Variants in PSMD12 observed in about 807,000 individuals in gnomAD.
PSMD12 encodes the protein proteasome 26S subunit, non-ATPase 12.
Under a neutral mutation model 62.9 loss-of-function variants are expected in PSMD12, and 8 were observed. The ratio of observed to expected loss-of-function variants is 0.13; its 90% CI spans 0.07 to 0.23. The LOEUF (loss-of-function observed/expected upper bound fraction) is 0.23. Ranked by LOEUF, PSMD12 falls within the 10% of genes least tolerant of loss-of-function variation. The pLI is 1.00. For missense variants in PSMD12, 424 were observed against 550.2 expected (o/e 0.77, Z 2.29); for synonymous variants, 173 against 187.4 (o/e 0.92, Z 0.63).
intron 4 of PSMD12, among the ~76,000 whole-genome samples, 171 bp from the exon 5 acceptor site, chr17:67,348,825 G>A (rs553779286): frequency 5.9e-5 from 9 of 151,976 alleles, no homozygotes; most frequent in South Asian, 4.1e-4. Flanking sequence ...TGTTGAGCCC[G>A]TCTCTACTAA....
chr17:67,340,739 T>G lies in PSMD12; in HGVS notation c.*104A>C. The G allele has an allele frequency of 1.1e-6, 1 of 872,510 alleles. No homozygotes were observed. Among genetic ancestry groups the G allele is most frequent in the Middle Eastern group, 2.3e-4 (1 of 4,360 alleles). The allele number at this position is 872,510 out of a possible 1,614,324, so 54.0% of individuals were successfully genotyped here. A position where few individuals can be genotyped will look rare whatever the true frequency, so the allele number is the denominator to read the frequency against. ...TCAAACATATTCACTATTTTAAAAT[T>G]TAAGACAAAGAAGCTTAGAAAAAAA... On this transcript the variant is annotated 3_prime_UTR_variant, in exon 11 of 11. Transcript: ENST00000356126.
chr17:67,348,752 T>C, intron 4 of PSMD12, 98 bp from the exon 5 acceptor site: 2 of 1,010,572 alleles, frequency 2.0e-6, no homozygotes, highest in Non-Finnish European at 1.5e-6. Flanking sequence ...AATCCTGACA[T>C]TTTGGAAGGC....
chr17:67,345,306 T>C (rs1041957186), intron 8 of PSMD12, among the ~76,000 whole-genome samples: 1 of 152,194 alleles, frequency 6.6e-6, no homozygotes, highest in Non-Finnish European at 1.5e-5. Flanking sequence ...TTATCCTCTC[T>C]AGTTTTATTC....
chr17:67,363,418 C>T (rs1466338570), intron 1 of PSMD12, among the ~76,000 whole-genome samples: 3 of 152,100 alleles, frequency 2.0e-5, no homozygotes, highest in Admixed American at 6.6e-5. Context: ...GTGCTATATA[C>T]ACAATTTTCA....
chr17:67,356,660 T>C (rs962821737), intron 3 of PSMD12, among the ~76,000 whole-genome samples: 20 of 138,112 alleles, frequency 1.4e-4, no homozygotes, highest in African/African-American at 5.1e-4. Flanking sequence ...ATAAAAGGGA[T>C]ATGACTAAAT....
At chr17:67,341,234 T>C (rs2041912061) in intron 10 of PSMD12, among the ~76,000 whole-genome samples, 182 bp from the exon 11 acceptor site, 1 of 151,974 alleles carries the variant, frequency 6.6e-6, no homozygotes, top group African/African-American at 2.4e-5. Context: ...TTTGGGAGGC[T>C]GAATTGGGTG....
At position 67,337,925 on chromosome 17, in the gene PSMD12, A is replaced by C. The variant is rs1317900682; in HGVS notation, c.*2918T>G. 4 of 152,250 alleles carry C rather than the reference A, an allele frequency of 2.6e-5. No individual in the cohort carries two copies. The highest frequency in any genetic ancestry group is 7.2e-5 in the African/African-American group (3 of 41,470). The allele number at this position is 152,250 out of a possible 1,614,324, so 9.4% of individuals were successfully genotyped here. On this transcript the variant is annotated 3_prime_UTR_variant, in exon 11 of 11. Coordinates refer to ENST00000356126, the MANE Select transcript of PSMD12 (RefSeq NM_002816.5). ...GAACTGAAAAGAGAAGTGATCTTTT[A>C]AAGTATGAGTTTATTCTCCAGGTTT...
chr17:67,364,859 C>T (rs2042164489), intron 1 of PSMD12, among the ~76,000 whole-genome samples: 1 of 152,160 alleles, frequency 6.6e-6, no homozygotes, highest in Non-Finnish European at 1.5e-5. Flanking sequence ...TGAAGATCTG[C>T]CGTCTCCTTT....
chr17:67,366,494 G>T lies in PSMD12; in HGVS notation c.26C>A (p.Ala9Asp). The T allele has an allele frequency of 1.9e-6, 3 of 1,609,002 alleles. No homozygotes were observed. Among genetic ancestry groups the T allele is most frequent in the Non-Finnish European group, 2.5e-6 (3 of 1,178,776 alleles). The change falls in exon 1 of 11, where the codon GCT (alanine) becomes GAT (aspartate). Residue 9 changes from alanine to aspartate, a missense_variant. By Grantham distance (126) the Ala-to-Asp change is moderately radical (BLOSUM62 -2). Coordinates refer to ENST00000356126, the MANE Select transcript of PSMD12 (RefSeq NM_002816.5). Reference sequence around the variant, plus strand: ...CTCCATCTTGACGATGCGCCCGTCAGCCCGCTCCGAGCCGCCGTCCGCCAT... The same window carrying T: ...CTCCATCTTGACGATGCGCCCGTCATCCCGCTCCGAGCCGCCGTCCGCCAT... Reference protein sequence around the residue: MADGGSERADGRIVKMEVD... With the variant: MADGGSERDDGRIVKMEVD...
chr17:67,353,315 G>C (rs7503013), intron 3 of PSMD12, among the ~76,000 whole-genome samples: 110,032 of 150,520 alleles, frequency 0.73, 40,704 homozygotes, highest in Non-Finnish European at 0.79. Context: ...CCTTCCCCCC[G>C]CTCCCTCTCT....
intron 10 of PSMD12, 34 bp downstream of exon 10, chr17:67,342,152 G>A (rs779109643): frequency 1.4e-6 from 2 of 1,400,678 alleles, no homozygotes; most frequent in Non-Finnish European, 2.0e-6. Flanking sequence ...CAAAAGGAAT[G>A]CCTACAAATA....
At chr17:67,349,857 T>C (rs544815646) in intron 4 of PSMD12, among the ~76,000 whole-genome samples, 1 of 152,348 alleles carries the variant, frequency 6.6e-6, no homozygotes, top group South Asian at 2.1e-4. Flanking sequence ...CAATTACAGC[T>C]TCCTACATCT....
intron 4 of PSMD12, among the ~76,000 whole-genome samples, chr17:67,349,904 T>C (rs1358580110): frequency 1.3e-5 from 2 of 152,230 alleles, no homozygotes; most frequent in Non-Finnish European, 2.9e-5. Context: ...TTGAATATTA[T>C]TTCCTCTATG....
At chr17:67,342,422 A>G in intron 9 of PSMD12, 159 bp from the exon 10 acceptor site, 1 of 520,972 alleles carries the variant, frequency 1.9e-6, no homozygotes, top group Non-Finnish European at 3.4e-6. Context: ...TCTAAGTTTC[A>G]ATAACAAAAC....
At chr17:67,355,001 C>T (rs1201652524) in intron 3 of PSMD12, among the ~76,000 whole-genome samples, 1 of 151,170 alleles carries the variant, frequency 6.6e-6, no homozygotes, top group Non-Finnish European at 1.5e-5. Flanking sequence ...TAAATAAATA[C>T]ATACATAAAT....
chr17:67,360,665 C>T (rs1185146869), intron 1 of PSMD12, among the ~76,000 whole-genome samples: 1 of 152,234 alleles, frequency 6.6e-6, no homozygotes, highest in Admixed American at 6.5e-5. Flanking sequence ...GTATCAGTTA[C>T]TGATGCACAT....
intron 1 of PSMD12, among the ~76,000 whole-genome samples, chr17:67,360,049 G>C (rs2042115016): frequency 6.6e-6 from 1 of 152,168 alleles, no homozygotes; most frequent in South Asian, 2.1e-4. Context: ...CCTGCCTCAA[G>C]CTCCAAAGCT....
chr17:67,358,667 A>C (rs2042102210), intron 1 of PSMD12, among the ~76,000 whole-genome samples: 1 of 152,092 alleles, frequency 6.6e-6, no homozygotes, highest in Admixed American at 6.5e-5. Flanking sequence ...GATATTTTAA[A>C]ATACAGAGTT....
intron 1 of PSMD12, among the ~76,000 whole-genome samples, chr17:67,365,184 CAAA>C (rs891969142): frequency 9.2e-5 from 5 of 54,190 alleles, no homozygotes; most frequent in Admixed American, 2.1e-4. Flanking sequence ...AACTCCGTCT[CAAA>C]AAAAAAAAAA....
Sources: allele counts gnomAD v4.1 joint callset (sites outside exome capture counted in the v4.1 genomes callset), GRCh38; gene constraint gnomAD v4.1.1; transcripts MANE v1.5; gene names NCBI Gene and HGNC (gene_info 2026-07-23, HGNC 2026-07-21).